FGF12: variants seen among roughly 807,000 people sequenced by gnomAD.
The protein encoded by FGF12 is fibroblast growth factor 12.
FGF12 carries 14 observed loss-of-function variants against 23.6 expected under a neutral mutation model. The observed-to-expected ratio is 0.59, with a 90% CI of 0.39 to 0.93. FGF12 has a LOEUF of 0.93. Ranked by LOEUF, FGF12 falls within the 40% of genes least tolerant of loss-of-function variation. The pLI, the probability that FGF12 is intolerant of heterozygous loss-of-function variation, is 0.00. For missense variants in FGF12, 175 were observed against 217.8 expected (o/e 0.80, Z 1.24); for synonymous variants, 62 against 77.3 (o/e 0.80, Z 1.04).
chr3:192,323,416 T>A (rs573200081), intron 4 of FGF12, among the ~76,000 whole-genome samples: 158 of 152,202 alleles, frequency 1.0e-3, no homozygotes, highest in Non-Finnish European at 2.0e-3. Context: ...TGCAACAACA[T>A]TGATAGAACT....
chr3:192,391,877 T>G (rs1366953383), intron 2 of FGF12, among the ~76,000 whole-genome samples: 1 of 152,200 alleles, frequency 6.6e-6, no homozygotes, highest in Non-Finnish European at 1.5e-5. Flanking sequence ...ACTAAGAAAC[T>G]AAGTGAGACT....
At chr3:192,532,420 T>C (rs1198508592) in intron 2 of FGF12, among the ~76,000 whole-genome samples, 1 of 152,226 alleles carries the variant, frequency 6.6e-6, no homozygotes, top group Admixed American at 6.5e-5. Flanking sequence ...TCATCTATGA[T>C]TTCTTTCAGC....
At chr3:192,265,004 T>G (rs943808603) in intron 4 of FGF12, among the ~76,000 whole-genome samples, 2 of 152,118 alleles carry the variant, frequency 1.3e-5, no homozygotes, top group Non-Finnish European at 2.9e-5. Context: ...CAGGCTTGCA[T>G]CATTTTCACT....
chr3:192,300,784 A>T (rs1715305568), intron 4 of FGF12, among the ~76,000 whole-genome samples: 2 of 152,074 alleles, frequency 1.3e-5, no homozygotes, highest in Non-Finnish European at 2.9e-5. Flanking sequence ...TGGGAGGCCA[A>T]GGGGGGCTGA....
intron 2 of FGF12, among the ~76,000 whole-genome samples, chr3:192,448,137 C>G (rs1050307791): frequency 2.6e-5 from 4 of 152,162 alleles, no homozygotes; most frequent in African/African-American, 9.7e-5. Context: ...TACACTCCAT[C>G]CAAGCCACGG....
At chr3:192,343,616 A>C (rs1717805411) in intron 3 of FGF12, among the ~76,000 whole-genome samples, 1 of 152,144 alleles carries the variant, frequency 6.6e-6, no homozygotes, top group Admixed American at 6.6e-5. Flanking sequence ...ACAGCAAAGG[A>C]GTGAGCTCTT....
chr3:192,293,409 CA>C (rs887895188), intron 4 of FGF12, among the ~76,000 whole-genome samples: 1 of 152,174 alleles, frequency 6.6e-6, no homozygotes, highest in African/African-American at 2.4e-5. Flanking sequence ...ACCTCATTCT[CA>C]AGGGTTTTCT....
At chr3:192,524,124 C>T (rs1724885937) in intron 2 of FGF12, among the ~76,000 whole-genome samples, 1 of 152,138 alleles carries the variant, frequency 6.6e-6, no homozygotes, top group Admixed American at 6.5e-5. Flanking sequence ...AGCAGGGCTG[C>T]AACTAAGTGG....
chr3:192,156,083 A>C (rs1176278498), intron 5 of FGF12, among the ~76,000 whole-genome samples: 1 of 152,212 alleles, frequency 6.6e-6, no homozygotes, highest in African/African-American at 2.4e-5. Flanking sequence ...TTTTTCTTCA[A>C]AAATTATTTT....
chr3:192,156,235 C>G (rs1037035164), intron 5 of FGF12, among the ~76,000 whole-genome samples: 2 of 152,156 alleles, frequency 1.3e-5, no homozygotes, highest in Non-Finnish European at 2.9e-5. Context: ...CCCTATCTTT[C>G]TTGTCTTCCC....
chr3:192,697,107 C>T (rs1354703118), intron 2 of FGF12, among the ~76,000 whole-genome samples: 2 of 151,858 alleles, frequency 1.3e-5, no homozygotes, highest in African/African-American at 4.8e-5. Flanking sequence ...GCTGACTTCT[C>T]CTGCTGACAG....
chr3:192,467,924 TA>T (rs1324614502), intron 2 of FGF12, among the ~76,000 whole-genome samples: 1 of 152,202 alleles, frequency 6.6e-6, no homozygotes, highest in Non-Finnish European at 1.5e-5. Flanking sequence ...CAACAGGCCA[TA>T]TACATCTCAA....
chr3:192,591,792 C>G (rs912917043), intron 2 of FGF12, among the ~76,000 whole-genome samples: 2 of 151,878 alleles, frequency 1.3e-5, no homozygotes, highest in Non-Finnish European at 2.9e-5. Flanking sequence ...TCTGCACAAG[C>G]CCTTCACGTT....
In FGF12 at chr3:192,149,126, ATG is replaced by A. The variant is rs1320216036; in HGVS notation, c.428-5001_428-5000del. Among the ~76,000 whole-genome samples the A allele has an allele frequency of 2.8e-4, 42 of 152,338 alleles. 3 individuals carry two copies. In the South Asian group the frequency reaches 8.7e-3, roughly 32 times the overall value. Reference sequence around the variant, plus strand: ...TAATATACTTAGTTAATTAAGTGATATGATAGCAAATGAAGAGTTAACGTCCA... The same window carrying A: ...TAATATACTTAGTTAATTAAGTGATAATAGCAAATGAAGAGTTAACGTCCA... On this transcript the variant is annotated intron_variant, in intron 5 of 5. Coordinates refer to ENST00000445105, the MANE Select transcript of FGF12 (RefSeq NM_004113.6).
At chr3:192,406,800 C>G (rs1390101621) in intron 2 of FGF12, among the ~76,000 whole-genome samples, 1 of 152,128 alleles carries the variant, frequency 6.6e-6, no homozygotes, top group Non-Finnish European at 1.5e-5. Context: ...ATTCTGAGCC[C>G]GACTTGTCCA....
chr3:192,489,772 C>A (rs1341850561), intron 2 of FGF12, among the ~76,000 whole-genome samples: 1 of 151,876 alleles, frequency 6.6e-6, no homozygotes, highest in East Asian at 1.9e-4. Flanking sequence ...ACTAAAGATA[C>A]CACAGAAAGA....
At chr3:192,560,305 A>C (rs1577054052) in intron 2 of FGF12, among the ~76,000 whole-genome samples, 1 of 152,032 alleles carries the variant, frequency 6.6e-6, no homozygotes, top group Non-Finnish European at 1.5e-5. Context: ...GATTACTTTA[A>C]GAAGATAGAA....
chr3:192,229,090 T>A, intron 4 of FGF12, among the ~76,000 whole-genome samples: 1 of 151,972 alleles, frequency 6.6e-6, no homozygotes, highest in African/African-American at 2.4e-5. Context: ...GGACATTCTA[T>A]ACTAAACCTA....
At chr3:192,684,794 T>C (rs1478955932) in intron 2 of FGF12, among the ~76,000 whole-genome samples, 1 of 152,216 alleles carries the variant, frequency 6.6e-6, no homozygotes, top group Non-Finnish European at 1.5e-5. Context: ...TTTTTCAGTC[T>C]ACAAAGTTCA....
Sources: gnomAD v4.1 joint callset for allele counts (sites outside exome capture counted in the v4.1 genomes callset) on GRCh38, gnomAD v4.1.1 for gene constraint, MANE v1.5 for transcripts, NCBI Gene and HGNC (gene_info 2026-07-23, HGNC 2026-07-21) for gene names.